The following CRPPA variants were observed in gnomAD, a reference collection of about 807,000 sequenced individuals.
CRPPA encodes CDP-L-ribitol pyrophosphorylase A.
CRPPA carries 43 observed loss-of-function variants against 52.0 expected under a neutral mutation model. The observed-to-expected ratio is 0.83, with a 90% CI of 0.65 to 1.07. The LOEUF is 1.07. Among genes scored for constraint, CRPPA ranks in the 50% least tolerant of loss-of-function variants. The probability of loss-of-function intolerance (pLI) is 0.00; values close to 1 mark genes in which losing one functional copy is unlikely to be tolerated. For synonymous variants in CRPPA, 250 were observed against 203.5 expected (o/e 1.23, Z -1.94); for missense variants, 629 against 551.7 (o/e 1.14, Z -1.40).
chr7:16,377,080 T>TAA (rs1042600434), intron 2 of CRPPA, among the ~76,000 whole-genome samples: 2 of 152,184 alleles, frequency 1.3e-5, no homozygotes, highest in Non-Finnish European at 2.9e-5. Flanking sequence ...AGTGCACAAG[T>TAA]AAAACAAATG....
chr7:16,265,024 G>A (rs144968401), intron 6 of CRPPA, among the ~76,000 whole-genome samples: 26 of 152,306 alleles, frequency 1.7e-4, no homozygotes, highest in African/African-American at 6.0e-4. Flanking sequence ...AATATGTGAA[G>A]GGTAAGAGTT....
chr7:16,363,500 T>C (rs1786510507), intron 3 of CRPPA, among the ~76,000 whole-genome samples: 1 of 152,186 alleles, frequency 6.6e-6, no homozygotes, highest in Admixed American at 6.5e-5. Flanking sequence ...ACATGATAGC[T>C]ACATGTAGGA....
chr7:16,124,609 C>T (rs1782540641), intron 9 of CRPPA, among the ~76,000 whole-genome samples: 1 of 152,112 alleles, frequency 6.6e-6, no homozygotes, highest in Non-Finnish European at 1.5e-5. Context: ...TACAAAATTA[C>T]AGCTAGACAG....
At chr7:16,407,132 T>C (rs1295795234) in intron 1 of CRPPA, among the ~76,000 whole-genome samples, 3 of 152,134 alleles carry the variant, frequency 2.0e-5, no homozygotes, top group Non-Finnish European at 4.4e-5. Flanking sequence ...CCCGCCACCA[T>C]GCCCAGCTAG....
At chr7:16,238,599 G>T (rs1413273773) in intron 8 of CRPPA, among the ~76,000 whole-genome samples, 7 of 152,008 alleles carry the variant, frequency 4.6e-5, no homozygotes, top group Non-Finnish European at 8.8e-5. Context: ...AAAAAAGGAG[G>T]ATAAGAAATG....
chr7:16,108,588 A>G (rs1238639812), intron 9 of CRPPA, among the ~76,000 whole-genome samples: 2 of 151,894 alleles, frequency 1.3e-5, no homozygotes, highest in Admixed American at 6.6e-5. Context: ...ATACTTGAAC[A>G]ATACTTTAGA....
intron 2 of CRPPA, among the ~76,000 whole-genome samples, chr7:16,392,168 CTATAA>C (rs1422382592): frequency 6.6e-6 from 1 of 152,092 alleles, no homozygotes; most frequent in Non-Finnish European, 1.5e-5. Context: ...AGCTTTAGTA[CTATAA>C]TATTTTATGA....
At chr7:16,413,005 G>A (rs1388739377) in intron 1 of CRPPA, among the ~76,000 whole-genome samples, 1 of 152,136 alleles carries the variant, frequency 6.6e-6, no homozygotes, top group Non-Finnish European at 1.5e-5. Flanking sequence ...GGAAAGATCA[G>A]GCCCTGTTAA....
At chr7:16,209,991 T>C (rs767882067) in intron 9 of CRPPA, among the ~76,000 whole-genome samples, 2 of 152,160 alleles carry the variant, frequency 1.3e-5, no homozygotes, top group Non-Finnish European at 2.9e-5. Context: ...TAGAAAATGA[T>C]ATAATTGCAC....
intron 9 of CRPPA, among the ~76,000 whole-genome samples, chr7:16,101,613 T>G (rs1245268223): frequency 6.6e-6 from 1 of 152,006 alleles, no homozygotes; most frequent in Non-Finnish European, 1.5e-5. Flanking sequence ...GCTCCTGGAT[T>G]GAGCAAAGTC....
chr7:16,399,740 G>A (rs1318794200), intron 2 of CRPPA, among the ~76,000 whole-genome samples: 1 of 152,046 alleles, frequency 6.6e-6, no homozygotes, highest in Non-Finnish European at 1.5e-5. Flanking sequence ...TGATTGACAT[G>A]TAACTGACAC....
At chr7:16,097,974 CA>C (rs1279296979) in intron 9 of CRPPA, among the ~76,000 whole-genome samples, 1 of 152,184 alleles carries the variant, frequency 6.6e-6, no homozygotes, top group Non-Finnish European at 1.5e-5. Context: ...TCAATTTTCT[CA>C]AAGGATAACT....
intron 9 of CRPPA, among the ~76,000 whole-genome samples, chr7:16,171,318 T>G (rs1405291798): frequency 6.6e-6 from 1 of 152,198 alleles, no homozygotes; most frequent in Non-Finnish European, 1.5e-5. Flanking sequence ...CAATAAAATA[T>G]AAACGTTACT....
intron 3 of CRPPA, among the ~76,000 whole-genome samples, chr7:16,369,998 G>A (rs1786706870): frequency 6.6e-6 from 1 of 152,184 alleles, no homozygotes. Flanking sequence ...GAGCTGGACT[G>A]GATTTAGGGA....
chr7:16,286,101 T>A (rs979506336), intron 5 of CRPPA, among the ~76,000 whole-genome samples: 2,154 of 68,648 alleles, frequency 0.031, 247 homozygotes, highest in Admixed American at 0.05. Flanking sequence ...AAAAAAAATA[T>A]ATATATATAT....
At chr7:16,323,313 A>T (rs1166356600) in intron 3 of CRPPA, among the ~76,000 whole-genome samples, 1 of 152,154 alleles carries the variant, frequency 6.6e-6, no homozygotes, top group Non-Finnish European at 1.5e-5. Context: ...TTGCCAGGTA[A>T]CTTTACATTT....
At chr7:16,327,332 C>T (rs976158067) in intron 3 of CRPPA, among the ~76,000 whole-genome samples, 3 of 152,094 alleles carry the variant, frequency 2.0e-5, no homozygotes, top group African/African-American at 4.8e-5. Context: ...GTGGCTCACG[C>T]CTGTAATCCC....
chr7:16,274,349 T>C (rs1162826470), intron 6 of CRPPA, among the ~76,000 whole-genome samples: 1 of 152,120 alleles, frequency 6.6e-6, no homozygotes, highest in African/African-American at 2.4e-5. Context: ...ACCCGGCCTG[T>C]TGTGGCTGTT....
chr7:16,308,254 C>A (rs1224981374), intron 4 of CRPPA, among the ~76,000 whole-genome samples: 1 of 152,036 alleles, frequency 6.6e-6, no homozygotes, highest in Non-Finnish European at 1.5e-5. Context: ...AGTGTGAGAA[C>A]AGACTAATAA....
Sources: gnomAD v4.1 joint callset for allele counts (sites outside exome capture counted in the v4.1 genomes callset) on GRCh38, gnomAD v4.1.1 for gene constraint, MANE v1.5 for transcripts, NCBI Gene and HGNC (gene_info 2026-07-23, HGNC 2026-07-21) for gene names.